Variants in CDK5RAP2 observed in about 807,000 individuals in gnomAD.
CDK5RAP2 encodes CDK5 regulatory subunit-associated protein 2.
A neutral mutation model predicts 232.9 loss-of-function variants in CDK5RAP2; 147 were observed. The ratio of observed to expected loss-of-function variants is 0.63; its 90% CI spans 0.55 to 0.72. CDK5RAP2 has a LOEUF of 0.72. Ranked by LOEUF, CDK5RAP2 falls within the 30% of genes least tolerant of loss-of-function variation. The pLI, the probability that CDK5RAP2 is intolerant of heterozygous loss-of-function variation, is 0.00. For synonymous variants in CDK5RAP2, 833 were observed against 833.7 expected (o/e 1.00, Z 0.01); for missense variants, 2,195 against 2,231.5 (o/e 0.98, Z 0.33).
intron 18 of CDK5RAP2, among the ~76,000 whole-genome samples, chr9:120,464,047 C>T (rs1255583499): frequency 3.3e-5 from 5 of 152,128 alleles, no homozygotes; most frequent in Admixed American, 3.3e-4. Context: ...GGCTTCTGTC[C>T]CCCTCACTCT....
intron 5 of CDK5RAP2, among the ~76,000 whole-genome samples, chr9:120,544,096 G>T (rs1160452384): frequency 6.6e-6 from 1 of 152,102 alleles, no homozygotes; most frequent in Non-Finnish European, 1.5e-5. Flanking sequence ...AACGAATAAA[G>T]CTGGTCAGAC....
At chr9:120,482,960 T>G (rs555546025) in intron 14 of CDK5RAP2, among the ~76,000 whole-genome samples, 1 of 152,262 alleles carries the variant, frequency 6.6e-6, no homozygotes, top group South Asian at 2.1e-4. Flanking sequence ...GTCATTTGGC[T>G]CCCTCAGCAG....
chr9:120,395,586 C>T (rs1050710753), intron 35 of CDK5RAP2, among the ~76,000 whole-genome samples: 1 of 152,272 alleles, frequency 6.6e-6, no homozygotes, highest in African/African-American at 2.4e-5. Context: ...CACCGTGGCA[C>T]AGGCCGCTCT....
rs369541591 is a variant in CDK5RAP2, at chr9:120,443,786, A to C, written c.3026-44T>G. On this transcript the variant is annotated intron_variant, in intron 22 of 37. Transcript: ENST00000349780. ...AGAAAGAAAAATAAATAAAACCGTA[A>C]GACCTGAAACTTAGCCAAGCAACTG... 5.6e-6 allele frequency: 9 copies of C among 1,612,076 alleles called. No individual in the cohort carries two copies. In the African/African-American group the frequency reaches 9.3e-5, roughly 17 times the overall value.
chr9:120,577,417 T>C (rs910519877), intron 1 of CDK5RAP2, among the ~76,000 whole-genome samples: 1 of 151,164 alleles, frequency 6.6e-6, no homozygotes, highest in East Asian at 1.9e-4. Context: ...TGTCAGAGGC[T>C]GGGAGAAGGG....
chr9:120,452,804 A>G (rs1304676141), intron 21 of CDK5RAP2, among the ~76,000 whole-genome samples: 1 of 152,054 alleles, frequency 6.6e-6, no homozygotes, highest in Non-Finnish European at 1.5e-5. Context: ...CTGTGCAGTC[A>G]GGTACAGTGG....
intron 3 of CDK5RAP2, among the ~76,000 whole-genome samples, chr9:120,558,577 C>T (rs1040354297): frequency 2.0e-5 from 3 of 152,078 alleles, no homozygotes; most frequent in Non-Finnish European, 4.4e-5. Flanking sequence ...ACCTCTCCAA[C>T]CACATCAGGT....
intron 13 of CDK5RAP2, 115 bp from the exon 14 acceptor site, chr9:120,487,552 C>G: frequency 2.6e-6 from 2 of 765,896 alleles, no homozygotes; most frequent in South Asian, 1.9e-5. Context: ...TCCTATATCC[C>G]CTACATAATT....
At chr9:120,440,425 G>A (rs1038059795) in intron 23 of CDK5RAP2, 1 of 203,608 alleles carries the variant, frequency 4.9e-6, no homozygotes, top group African/African-American at 2.3e-5. Flanking sequence ...CTTTTGCATG[G>A]GCCGTGCCCT....
At chr9:120,491,614 T>A in intron 12 of CDK5RAP2, 137 bp from the exon 13 acceptor site, 1 of 605,296 alleles carries the variant, frequency 1.7e-6, no homozygotes. Flanking sequence ...TATATTTAAA[T>A]CCTTCTCACT....
chr9:120,476,063 G>A (rs562380333), intron 15 of CDK5RAP2, among the ~76,000 whole-genome samples: 4 of 152,246 alleles, frequency 2.6e-5, no homozygotes, highest in Non-Finnish European at 4.4e-5. Flanking sequence ...GGGAATAGAA[G>A]GGTAGGAAAC....
At chr9:120,466,476 G>T (rs2131496082) in intron 18 of CDK5RAP2, among the ~76,000 whole-genome samples, 1 of 152,292 alleles carries the variant, frequency 6.6e-6, no homozygotes, top group Non-Finnish European at 1.5e-5. Flanking sequence ...TCAGTTGGCT[G>T]ATATTAAGAT....
chr9:120,558,581 A>G (rs2042335419), intron 3 of CDK5RAP2, among the ~76,000 whole-genome samples: 1 of 151,916 alleles, frequency 6.6e-6, no homozygotes, highest in Admixed American at 6.6e-5. Flanking sequence ...CTCCAACCAC[A>G]TCAGGTATCA....
intron 4 of CDK5RAP2, 84 bp downstream of exon 4, chr9:120,550,708 T>C: frequency 1.2e-6 from 1 of 852,186 alleles, no homozygotes; most frequent in Admixed American, 1.7e-5. Context: ...ATACTAACTC[T>C]AAGAACAAAT....
At chr9:120,408,139 C>T in intron 31 of CDK5RAP2, 1 of 633,688 alleles carries the variant, frequency 1.6e-6, no homozygotes, top group South Asian at 1.7e-5. Flanking sequence ...CCTCGGCTGG[C>T]CTGGGTGCTG....
chr9:120,419,397 CA>C (rs1217099878), intron 27 of CDK5RAP2, among the ~76,000 whole-genome samples: 2 of 152,086 alleles, frequency 1.3e-5, no homozygotes, highest in Non-Finnish European at 2.9e-5. Flanking sequence ...AATATCAGAA[CA>C]GGGGGCTAGA....
chr9:120,434,859 G>A (rs2035485108), intron 25 of CDK5RAP2, among the ~76,000 whole-genome samples: 1 of 152,186 alleles, frequency 6.6e-6, no homozygotes, highest in African/African-American at 2.4e-5. Flanking sequence ...CAGTGGAGGG[G>A]TTGAGATAAC....
Position 120,471,853 on chromosome 9 carries a change from T to C in CDK5RAP2, c.1753A>G (p.Asn585Asp). ...DSINNLQAEL[N>D]KIFALRKQLE... ...TGCTTCCGCAGGGCAAAAATCTTGTTTAACTCAGCCTGCAGGTTGTTGATA... is the reference window on the plus strand; with the variant it reads ...TGCTTCCGCAGGGCAAAAATCTTGTCTAACTCAGCCTGCAGGTTGTTGATA... The change falls in exon 16 of 38, where the codon AAC (asparagine) becomes GAC (aspartate). Residue 585 changes from asparagine to aspartate, a missense_variant. Coordinates refer to ENST00000349780, the MANE Select transcript of CDK5RAP2 (RefSeq NM_018249.6). 6.2e-7 allele frequency: 1 copy of C among 1,614,140 alleles called. No individual in the cohort carries two copies. Among genetic ancestry groups the C allele is most frequent in the Non-Finnish European group, 8.5e-7 (1 of 1,179,964 alleles).
At chr9:120,511,058 C>T (rs1486356077) in intron 12 of CDK5RAP2, among the ~76,000 whole-genome samples, 2 of 152,170 alleles carry the variant, frequency 1.3e-5, no homozygotes, top group Non-Finnish European at 2.9e-5. Context: ...AACTGACTCT[C>T]GGGGCTCAAC....
Sources: allele counts gnomAD v4.1 joint callset (sites outside exome capture counted in the v4.1 genomes callset), GRCh38; gene constraint gnomAD v4.1.1; transcripts MANE v1.5; gene names NCBI Gene and HGNC (gene_info 2026-07-23, HGNC 2026-07-21).